Variants in MDGA2 observed in about 807,000 individuals in gnomAD.
MDGA2 encodes MAM domain-containing glycosylphosphatidylinositol anchor protein 2.
In MDGA2, 40 loss-of-function variants were observed where a neutral mutation model predicts 117.8. The observed-to-expected ratio is 0.34, with a 90% CI of 0.26 to 0.44. The LOEUF (loss-of-function observed/expected upper bound fraction) is 0.44, where lower values mean the gene tolerates loss of function less well. Ranked by LOEUF, MDGA2 falls within the 20% of genes least tolerant of loss-of-function variation. MDGA2 has a pLI of 1.00. For missense variants in MDGA2, 1,123 were observed against 1,250.6 expected (o/e 0.90, Z 1.54); for synonymous variants, 452 against 439.0 (o/e 1.03, Z -0.37).
At chr14:47,615,790 A>T (rs1388283707) in intron 1 of MDGA2, among the ~76,000 whole-genome samples, 2 of 152,206 alleles carry the variant, frequency 1.3e-5, no homozygotes, top group Non-Finnish European at 2.9e-5. Context: ...ATTATTAATA[A>T]AGTGGAAATT....
At chr14:47,394,117 T>G (rs933263262) in intron 1 of MDGA2, among the ~76,000 whole-genome samples, 1 of 152,052 alleles carries the variant, frequency 6.6e-6, no homozygotes, top group Non-Finnish European at 1.5e-5. Context: ...ATAAATAACA[T>G]CACAATAAAA....
chr14:46,893,244 GAAAT>G (rs1206536193), intron 10 of MDGA2, among the ~76,000 whole-genome samples: 2 of 151,850 alleles, frequency 1.3e-5, no homozygotes, highest in Non-Finnish European at 2.9e-5. Context: ...AGCAGACCCA[GAAAT>G]AAATAAGAGT....
intron 5 of MDGA2, among the ~76,000 whole-genome samples, chr14:47,111,614 C>T (rs1295252868): frequency 6.6e-6 from 1 of 152,142 alleles, no homozygotes; most frequent in Non-Finnish European, 1.5e-5. Flanking sequence ...GATATGTTCA[C>T]ATCTCACACA....
At chr14:47,396,258 T>C (rs1892006458) in intron 1 of MDGA2, among the ~76,000 whole-genome samples, 1 of 152,158 alleles carries the variant, frequency 6.6e-6, no homozygotes, top group Non-Finnish European at 1.5e-5. Flanking sequence ...TCTAGACTCC[T>C]ATATGTATTA....
chr14:46,948,912 C>A (rs1981287), intron 9 of MDGA2, among the ~76,000 whole-genome samples: 18,032 of 152,018 alleles, frequency 0.12, 2,047 homozygotes, highest in African/African-American at 0.27. Context: ...TTATCTCTGA[C>A]ATCAGTCATC....
At chr14:46,865,114 A>G (rs1881695686) in intron 14 of MDGA2, among the ~76,000 whole-genome samples, 1 of 152,160 alleles carries the variant, frequency 6.6e-6, no homozygotes, top group African/African-American at 2.4e-5. Flanking sequence ...ATCAGAAGAA[A>G]TACAGTCTTT....
intron 1 of MDGA2, among the ~76,000 whole-genome samples, chr14:47,388,845 C>T (rs1267655329): frequency 6.6e-6 from 1 of 152,158 alleles, no homozygotes; most frequent in African/African-American, 2.4e-5. Context: ...TCTAACTCCT[C>T]AGCATACGAT....
intron 8 of MDGA2, among the ~76,000 whole-genome samples, chr14:46,973,666 A>C (rs1018524494): frequency 6.6e-6 from 1 of 152,186 alleles, no homozygotes; most frequent in Non-Finnish European, 1.5e-5. Flanking sequence ...AGGCAAAAGA[A>C]TGTTTCAGCT....
intron 1 of MDGA2, among the ~76,000 whole-genome samples, chr14:47,667,041 T>C (rs1234924450): frequency 6.6e-6 from 1 of 152,156 alleles, no homozygotes; most frequent in African/African-American, 2.4e-5. Context: ...CTTTAAGAAC[T>C]GTAACATCAC....
rs578248592 is a variant in MDGA2 at position 47,154,423 on chromosome 14, G to A, written c.596-10149C>T. ...GATTCCTGCCCCCTTCCAAGTTGGT[G>A]GGGTGGGAGCCCTGTGATCCCAGGC... On this transcript the variant is annotated intron_variant, in intron 3 of 16. Coordinates refer to ENST00000399232, the MANE Select transcript of MDGA2 (RefSeq NM_001113498.3). Among the ~76,000 whole-genome samples, 78 of 152,140 alleles carry A rather than the reference G, an allele frequency of 5.1e-4. 1 individual carries two copies. The highest frequency in any genetic ancestry group is 9.8e-4 in the Non-Finnish European group (67 of 68,030).
chr14:47,172,077 G>A (rs1884171465), intron 3 of MDGA2, among the ~76,000 whole-genome samples: 1 of 152,154 alleles, frequency 6.6e-6, no homozygotes. Context: ...ACTGCAAGGT[G>A]GCAGCAAGGC....
chr14:47,354,671 T>C (rs1480090580), intron 1 of MDGA2, among the ~76,000 whole-genome samples: 1 of 152,194 alleles, frequency 6.6e-6, no homozygotes, highest in Non-Finnish European at 1.5e-5. Context: ...TCTTTACTTG[T>C]TGCAAATAAT....
intron 3 of MDGA2, among the ~76,000 whole-genome samples, chr14:47,176,019 G>C (rs540294504): frequency 6.6e-6 from 1 of 152,138 alleles, no homozygotes; most frequent in Non-Finnish European, 1.5e-5. Context: ...GATGAACAGA[G>C]AGCCAAATCA....
chr14:47,523,174 G>A (rs893424030), intron 1 of MDGA2, among the ~76,000 whole-genome samples: 4 of 152,008 alleles, frequency 2.6e-5, no homozygotes, highest in African/African-American at 2.4e-5. Flanking sequence ...CAAAAAGGAC[G>A]AAAGAAAAAT....
At chr14:47,311,939 G>T (rs904809213) in intron 1 of MDGA2, among the ~76,000 whole-genome samples, 1 of 151,944 alleles carries the variant, frequency 6.6e-6, no homozygotes, top group Non-Finnish European at 1.5e-5. Flanking sequence ...TGGGGAGCAA[G>T]AATAGAATAC....
intron 1 of MDGA2, among the ~76,000 whole-genome samples, chr14:47,637,700 T>C (rs1428432718): frequency 6.6e-6 from 1 of 152,202 alleles, no homozygotes; most frequent in Non-Finnish European, 1.5e-5. Context: ...TCATGCGAAT[T>C]CACCATAGAA....
chr14:47,430,098 A>G (rs568415073), intron 1 of MDGA2, among the ~76,000 whole-genome samples: 1 of 151,622 alleles, frequency 6.6e-6, no homozygotes, highest in African/African-American at 2.4e-5. Context: ...TACAGTTCCT[A>G]CAGTGCCTTG....
At chr14:47,287,794 G>C (rs970045523) in intron 2 of MDGA2, among the ~76,000 whole-genome samples, 2 of 152,176 alleles carry the variant, frequency 1.3e-5, no homozygotes, top group African/African-American at 2.4e-5. Flanking sequence ...GGTATAACTA[G>C]TTGAGATGAG....
At chr14:47,614,953 T>A (rs911487230) in intron 1 of MDGA2, among the ~76,000 whole-genome samples, 2 of 152,196 alleles carry the variant, frequency 1.3e-5, no homozygotes, top group Non-Finnish European at 2.9e-5. Context: ...TTCCATAAGT[T>A]TAACTTTATT....
Sources: allele counts gnomAD v4.1 joint callset (sites outside exome capture counted in the v4.1 genomes callset), GRCh38; gene constraint gnomAD v4.1.1; transcripts MANE v1.5; gene names NCBI Gene and HGNC (gene_info 2026-07-23, HGNC 2026-07-21).